Variants in TNRC6B observed in about 807,000 individuals in gnomAD.
TNRC6B encodes the protein trinucleotide repeat-containing gene 6B protein.
Under a neutral mutation model 203.6 loss-of-function variants are expected in TNRC6B, and 52 were observed. That is an observed-to-expected ratio of 0.26 (90% CI 0.20 to 0.32). The LOEUF (loss-of-function observed/expected upper bound fraction) is 0.32. Ranked by LOEUF, TNRC6B falls within the 10% of genes least tolerant of loss-of-function variation. The pLI is 1.00. For missense variants in TNRC6B, 1,923 were observed against 2,286.2 expected (o/e 0.84, Z 3.24); for synonymous variants, 838 against 845.7 (o/e 0.99, Z 0.16).
At chr22:40,082,777 G>T (rs866372919) in intron 1 of TNRC6B, among the ~76,000 whole-genome samples, 33 of 152,230 alleles carry the variant, frequency 2.2e-4, no homozygotes, top group African/African-American at 7.7e-4. Flanking sequence ...GGACTTCCCG[G>T]TGGATTAGAA....
At chr22:40,147,528 C>T (rs1242794091) in intron 3 of TNRC6B, among the ~76,000 whole-genome samples, 3 of 152,136 alleles carry the variant, frequency 2.0e-5, no homozygotes, top group African/African-American at 4.8e-5. Context: ...CAGGGGAGGC[C>T]CCAATCCCTG....
chr22:40,064,828 G>T (rs1220215133), intron 1 of TNRC6B, among the ~76,000 whole-genome samples: 1 of 152,054 alleles, frequency 6.6e-6, no homozygotes, highest in Non-Finnish European at 1.5e-5. Context: ...TGTTGGCCAG[G>T]CTGGTCTTGA....
At chr22:40,299,757 A>G (rs1458597031) in intron 12 of TNRC6B, among the ~76,000 whole-genome samples, 1 of 152,132 alleles carries the variant, frequency 6.6e-6, no homozygotes, top group African/African-American at 2.4e-5. Flanking sequence ...CATGGCCCCA[A>G]CTAGTCCAGT....
intron 1 of TNRC6B, among the ~76,000 whole-genome samples, chr22:40,204,272 C>T (rs1430447739): frequency 1.3e-5 from 2 of 152,188 alleles, no homozygotes; most frequent in South Asian, 4.1e-4. Flanking sequence ...TTTTTACATA[C>T]TTGTGAATTT....
chr22:40,270,448 T>G (rs760902198), intron 6 of TNRC6B, among the ~76,000 whole-genome samples, 168 bp downstream of exon 6: 1 of 151,442 alleles, frequency 6.6e-6, no homozygotes, highest in Non-Finnish European at 1.5e-5. Context: ...GCCTCCCGAG[T>G]AGCTGGGATT....
chr22:40,212,982 C>T (rs1264254283), intron 1 of TNRC6B, among the ~76,000 whole-genome samples: 1 of 152,202 alleles, frequency 6.6e-6, no homozygotes, highest in Non-Finnish European at 1.5e-5. Flanking sequence ...TCAGTTGCCA[C>T]ATGTGGCTAG....
intron 1 of TNRC6B, among the ~76,000 whole-genome samples, chr22:40,229,295 GA>G (rs1482981335): frequency 6.6e-6 from 1 of 152,156 alleles, no homozygotes; most frequent in African/African-American, 2.4e-5. Context: ...TATCTGTGCA[GA>G]AGTTCTGATT....
At chr22:40,245,893 T>C in intron 1 of TNRC6B, 122 bp from the exon 2 acceptor site, 1 of 560,382 alleles carries the variant, frequency 1.8e-6, no homozygotes, top group Non-Finnish European at 3.0e-6. Flanking sequence ...TGAAATACTG[T>C]GTTCTATTCA....
At chr22:40,111,278 T>TGGGGCGAGCAGGGACC (rs1291871631) in intron 1 of TNRC6B, among the ~76,000 whole-genome samples, 12 of 152,090 alleles carry the variant, frequency 7.9e-5, no homozygotes, top group African/African-American at 2.4e-4. Flanking sequence ...GCGAAGGCAG[T>TGGGGCGAGCAGGGACC]GGGGCGAGCA....
intron 4 of TNRC6B, among the ~76,000 whole-genome samples, chr22:40,263,163 G>T (rs928328197): frequency 6.6e-6 from 1 of 152,112 alleles, no homozygotes; most frequent in Non-Finnish European, 1.5e-5. Context: ...TGTCTTTTGG[G>T]GTGATATTAA....
Position 40,311,835 on chromosome 22 carries a change from G to T in TNRC6B, c.4436-670G>T, listed in dbSNP as rs113766501. On this transcript the variant is annotated intron_variant, in intron 17 of 22. Transcript: ENST00000454349. ...CGGGATTACAGGCGTGAGCCACCAC[G>T]CCCGGCCAAAGTAGAACTGTATAAT... 2.4e-3 allele frequency among the ~76,000 whole-genome samples: 358 copies of T among 152,308 alleles called. 3 individuals carry two copies. Among genetic ancestry groups the T allele is most frequent in the African/African-American group, 8.4e-3 (349 of 41,562 alleles).
intron 1 of TNRC6B, among the ~76,000 whole-genome samples, chr22:40,242,960 C>T (rs767163817): frequency 9.9e-5 from 15 of 151,992 alleles, no homozygotes; most frequent in Non-Finnish European, 1.9e-4. Context: ...ACTTCTGCCT[C>T]TGGGTTCAAG....
intron 1 of TNRC6B, among the ~76,000 whole-genome samples, chr22:40,110,663 T>C (rs959351295): frequency 3.3e-5 from 5 of 152,314 alleles, no homozygotes; most frequent in African/African-American, 1.2e-4. Context: ...TTGGACTGAG[T>C]TTGTTTTTCT....
chr22:40,053,353 G>A (rs1477794449), intron 1 of TNRC6B, among the ~76,000 whole-genome samples: 1 of 152,118 alleles, frequency 6.6e-6, no homozygotes, highest in Non-Finnish European at 1.5e-5. Flanking sequence ...CAGAATTCGG[G>A]CAGAGTTGGA....
At chr22:40,318,847 G>T (rs573926121) in intron 21 of TNRC6B, among the ~76,000 whole-genome samples, 1 of 152,206 alleles carries the variant, frequency 6.6e-6, no homozygotes, top group African/African-American at 2.4e-5. Context: ...GAGGCAGGTG[G>T]ATCACCTGAG....
chr22:40,172,773 T>C (rs2069014445), intron 4 of TNRC6B, among the ~76,000 whole-genome samples: 1 of 152,250 alleles, frequency 6.6e-6, no homozygotes, highest in Admixed American at 6.5e-5. Flanking sequence ...AAGAGTTAGA[T>C]AGCATTCACC....
At chr22:40,286,239 A>G (rs1379138983) in intron 12 of TNRC6B, among the ~76,000 whole-genome samples, 7 of 152,224 alleles carry the variant, frequency 4.6e-5, no homozygotes, top group East Asian at 1.9e-4. Flanking sequence ...TGGGAGGCCA[A>G]GGTGCTTGAG....
intron 3 of TNRC6B, among the ~76,000 whole-genome samples, chr22:40,143,459 A>C (rs2068661645): frequency 6.6e-6 from 1 of 152,018 alleles, no homozygotes; most frequent in African/African-American, 2.4e-5. Context: ...AGAATATGGA[A>C]AACTATAGAT....
rs148576919 is a variant in TNRC6B at position 40,160,727 on chromosome 22, T to TA, written c.113+4546dup. ...ACAGGCACGCACTACCAAGCCCAGATACTTTTTTTTGCTTTGAGTAGAAAC... is the reference window on the plus strand; with the variant it reads ...ACAGGCACGCACTACCAAGCCCAGATAACTTTTTTTTGCTTTGAGTAGAAAC... On this transcript the variant is annotated intron_variant, in intron 4 of 23. Transcript: ENST00000301923. 2.5e-3 allele frequency among the ~76,000 whole-genome samples: 383 copies of TA among 152,086 alleles called. 3 individuals are homozygous for TA. The highest frequency in any genetic ancestry group is 8.1e-3 in the African/African-American group (336 of 41,498).
Sources: gnomAD v4.1 joint callset for allele counts (sites outside exome capture counted in the v4.1 genomes callset) on GRCh38, gnomAD v4.1.1 for gene constraint, MANE v1.5 for transcripts, NCBI Gene and HGNC (gene_info 2026-07-23, HGNC 2026-07-21) for gene names.